Variants in SPATA6 observed in about 807,000 individuals in gnomAD.
The protein encoded by SPATA6 is spermatogenesis-associated protein 6.
A neutral mutation model predicts 65.3 loss-of-function variants in SPATA6; 56 were observed. That is an observed-to-expected ratio of 0.86 (90% CI 0.69 to 1.07). The LOEUF is 1.07. SPATA6 is among the 50% of genes least tolerant of loss of function. The probability of loss-of-function intolerance (pLI) is 0.00; values close to 1 mark genes in which losing one functional copy is unlikely to be tolerated. For synonymous variants in SPATA6, 199 were observed against 213.2 expected (o/e 0.93, Z 0.58); for missense variants, 590 against 594.8 (o/e 0.99, Z 0.08).
chr1:48,418,073 T>A (rs1198712668), intron 3 of SPATA6, among the ~76,000 whole-genome samples: 1 of 152,008 alleles, frequency 6.6e-6, no homozygotes, highest in Non-Finnish European at 1.5e-5. Context: ...CATTTCTTAA[T>A]TCTCTATATT....
chr1:48,430,744 G>A (rs942760442), intron 3 of SPATA6, among the ~76,000 whole-genome samples: 1 of 151,960 alleles, frequency 6.6e-6, no homozygotes, highest in Non-Finnish European at 1.5e-5. Flanking sequence ...AATCCTCATG[G>A]TAACCACAAT....
At chr1:48,430,870 A>C (rs1375367262) in intron 3 of SPATA6, among the ~76,000 whole-genome samples, 1 of 152,170 alleles carries the variant, frequency 6.6e-6, no homozygotes, top group East Asian at 1.9e-4. Flanking sequence ...GAGTGACAAA[A>C]AAGTTGTAAG....
intron 8 of SPATA6, among the ~76,000 whole-genome samples, chr1:48,387,883 G>T (rs774044255): frequency 7.2e-5 from 11 of 152,118 alleles, no homozygotes; most frequent in Non-Finnish European, 1.5e-4. Context: ...AATGCACACC[G>T]CTTGGGACCC....
Position 48,298,818 on chromosome 1 carries a change from C to T in SPATA6, c.1362G>A (p.Lys454=), listed in dbSNP as rs1397686651. Residue 454 remains lysine, a synonymous_variant, in exon 13 of 13, where the codon AAG becomes AAA. Transcript: ENST00000371847. ...EYWSNRAASY[K]GKSHRPIFEN... is the part of the protein sequence containing the mutation. ...CAAAGATGGGTCGGTGGGATTTTCC[C>T]TTATAAGAGGCTGCCCTGTTGGACC... 1.9e-6 allele frequency: 3 copies of T among 1,613,952 alleles called. No homozygotes were observed. Among genetic ancestry groups the T allele is most frequent in the Non-Finnish European group, 2.5e-6 (3 of 1,179,926 alleles).
intron 12 of SPATA6, among the ~76,000 whole-genome samples, chr1:48,299,692 C>T (rs144902416): frequency 1.1e-3 from 164 of 151,882 alleles, no homozygotes; most frequent in African/African-American, 3.8e-3. Context: ...TAAACACAGA[C>T]GTTATTAAAT....
chr1:48,347,824 C>T (rs10157845), intron 11 of SPATA6, among the ~76,000 whole-genome samples: 5,386 of 151,920 alleles, frequency 0.035, 315 homozygotes, highest in African/African-American at 0.12. Flanking sequence ...GTGATCCACA[C>T]CAAGGAACTG....
chr1:48,437,170 A>G, intron 3 of SPATA6: 2 of 1,610,726 alleles, frequency 1.2e-6, no homozygotes, highest in South Asian at 1.1e-5. Context: ...GTTACCTTGG[A>G]CTGAGCCAGA....
chr1:48,289,768 G>C, the SPATA6 span, among the ~76,000 whole-genome samples: 1 of 152,060 alleles, frequency 6.6e-6, no homozygotes, highest in Non-Finnish European at 1.5e-5. Flanking sequence ...AGAATCAAAT[G>C]AATGAAATGA....
chr1:48,427,837 A>C (rs1653982787), intron 3 of SPATA6, among the ~76,000 whole-genome samples: 1 of 152,112 alleles, frequency 6.6e-6, no homozygotes, highest in Non-Finnish European at 1.5e-5. Context: ...TGCACATAGC[A>C]CCTGTGACAG....
chr1:48,343,742 T>C (rs1468156276), intron 11 of SPATA6, among the ~76,000 whole-genome samples: 1 of 152,110 alleles, frequency 6.6e-6, no homozygotes, highest in Non-Finnish European at 1.5e-5. Context: ...CAAAATCTTA[T>C]GGAAAAATTA....
intron 9 of SPATA6, among the ~76,000 whole-genome samples, chr1:48,370,927 C>A (rs1316519370): frequency 6.6e-6 from 1 of 152,128 alleles, no homozygotes; most frequent in African/African-American, 2.4e-5. Context: ...AAGGAACAAA[C>A]TGACAAACTT....
the SPATA6 span, among the ~76,000 whole-genome samples, chr1:48,284,765 A>C: frequency 6.6e-6 from 1 of 152,198 alleles, no homozygotes; most frequent in Non-Finnish European, 1.5e-5. Flanking sequence ...CAGAGGCTGC[A>C]GAACAGCAAA....
At chr1:48,433,171 A>G (rs948919288) in intron 3 of SPATA6, among the ~76,000 whole-genome samples, 1 of 152,148 alleles carries the variant, frequency 6.6e-6, no homozygotes, top group African/African-American at 2.4e-5. Flanking sequence ...GTATAGTTTC[A>G]GTTTTACAAG....
chr1:48,472,085 G>C lies in SPATA6; in HGVS notation c.-77C>G. ...GCGGGGAGACCTGGGGCTGGGCGGG[G>C]ACGGGGAGGAGACGAGGTGGCGGCG... On this transcript the variant is annotated 5_prime_UTR_variant, in exon 1 of 13. Coordinates refer to ENST00000371847, the MANE Select transcript of SPATA6 (RefSeq NM_019073.4). The C allele has an allele frequency of 2.9e-6, 3 of 1,032,812 alleles. No homozygotes were observed. Among genetic ancestry groups the C allele is most frequent in the East Asian group, 3.2e-5 (1 of 31,568 alleles). The allele number at this position is 1,032,812 out of a possible 1,614,324, so 64.0% of individuals were successfully genotyped here. A position where few individuals can be genotyped will look rare whatever the true frequency, so the allele number is the denominator to read the frequency against.
intron 11 of SPATA6, among the ~76,000 whole-genome samples, chr1:48,308,169 G>A (rs1237202250): frequency 2.0e-5 from 3 of 151,324 alleles, no homozygotes; most frequent in Non-Finnish European, 4.4e-5. Flanking sequence ...TTTCTCCATC[G>A]TTGCCTTCTT....
At position 48,403,887 on chromosome 1, in the gene SPATA6, G is replaced by C. The variant is rs1299458965; in HGVS notation, c.406-5C>G. ...TTCCAGCCTTGGAGCATTTCCCTGA[G>C]AAGAAAAAAGAGGGTATTATTACAC... On this transcript the variant is annotated splice_region_variant and splice_polypyrimidine_tract_variant and intron_variant, in intron 5 of 12. Transcript: ENST00000371847. 6.3e-7 allele frequency: 1 copy of C among 1,592,334 alleles called. No individual in the cohort carries two copies. Among genetic ancestry groups the C allele is most frequent in the South Asian group, 1.1e-5 (1 of 88,268 alleles).
rs1259865196 is a variant in SPATA6, at chr1:48,296,286, T to A, written c.*2427A>T. The A allele has an allele frequency of 6.6e-6, 1 of 152,158 alleles. No homozygotes were observed. The highest frequency in any genetic ancestry group is 1.9e-4 in the East Asian group (1 of 5,180). The allele number at this position is 152,158 out of a possible 1,614,324, so 9.4% of individuals were successfully genotyped here. On this transcript the variant is annotated 3_prime_UTR_variant, in exon 13 of 13. Transcript: ENST00000371847. ...CAGCATAAGCACTCATAGTAGTAGT[T>A]ACAGCAACATGGACCACTCTTTCCT...
chr1:48,319,223 C>A lies in SPATA6; in HGVS notation c.1195-13345G>T, dbSNP rs182101657. Among the ~76,000 whole-genome samples the A allele has an allele frequency of 8.5e-5, 13 of 152,196 alleles. No homozygotes were observed. The East Asian group carries it at 2.5e-3, about 29-fold the overall frequency. ...GACTAAGCAACAATTTCTGAGATATCCTAAGCAAAAGTAACCAAAGAAAAC... is the reference window on the plus strand; with the variant it reads ...GACTAAGCAACAATTTCTGAGATATACTAAGCAAAAGTAACCAAAGAAAAC... On this transcript the variant is annotated intron_variant, in intron 11 of 12. Transcript: ENST00000371847.
intron 6 of SPATA6, chr1:48,402,676 A>G (rs1181049985): frequency 6.6e-6 from 1 of 152,198 alleles, no homozygotes; most frequent in Non-Finnish European, 1.5e-5. Flanking sequence ...AATTTACTTG[A>G]ATACTGATAA....
Sources: allele counts gnomAD v4.1 joint callset (sites outside exome capture counted in the v4.1 genomes callset), GRCh38; gene constraint gnomAD v4.1.1; transcripts MANE v1.5; gene names NCBI Gene and HGNC (gene_info 2026-07-23, HGNC 2026-07-21).